Variants in ZFYVE1 observed in about 807,000 individuals in gnomAD.
ZFYVE1 encodes zinc finger FYVE domain-containing protein 1.
A neutral mutation model predicts 74.4 loss-of-function variants in ZFYVE1; 30 were observed. The observed-to-expected ratio is 0.40, with a 90% CI of 0.30 to 0.55. The LOEUF is 0.55. Ranked by LOEUF, ZFYVE1 falls within the 20% of genes least tolerant of loss-of-function variation. The pLI is 0.42. For missense variants in ZFYVE1, 703 were observed against 1,011.6 expected (o/e 0.69, Z 4.14); for synonymous variants, 335 against 385.1 (o/e 0.87, Z 1.52).
chr14:72,999,501 G>A (rs1161073985), intron 2 of ZFYVE1, among the ~76,000 whole-genome samples: 14 of 152,022 alleles, frequency 9.2e-5, no homozygotes, highest in Admixed American at 9.2e-4. Flanking sequence ...GTGGGAAGAT[G>A]GCTCAAGCCC....
At chr14:72,974,311 G>A (rs991400337) in intron 10 of ZFYVE1, 118 bp from the exon 11 acceptor site, 1 of 894,538 alleles carries the variant, frequency 1.1e-6, no homozygotes, top group Non-Finnish European at 1.8e-6. Context: ...GTGCTGTCCT[G>A]CAACTACTGC....
intron 2 of ZFYVE1, among the ~76,000 whole-genome samples, chr14:73,014,655 A>G (rs1894153961): frequency 6.6e-6 from 1 of 152,236 alleles, no homozygotes; most frequent in African/African-American, 2.4e-5. Flanking sequence ...CTTACATTAT[A>G]ATACTCTGGC....
Position 72,997,864 on chromosome 14 carries a change from C to T in ZFYVE1, c.935G>A (p.Gly312Asp). The part of the protein sequence containing the change: ...CGLDVPLSTL[G>D]PAVIIFHETV... ...CTCATGGAAGATGATAACTGCAGGG[C>T]CCAGTGTGGATAAAGGGACATCCAG... The change falls in exon 3 of 12, where the codon GGC becomes GAC. Residue 312 changes from glycine (G) to aspartate (D), a missense_variant. By Grantham distance (94) the Gly-to-Asp change is moderately conservative (BLOSUM62 -1). Coordinates refer to ENST00000556143, the MANE Select transcript of ZFYVE1 (RefSeq NM_021260.4). The T allele has an allele frequency of 6.2e-7, 1 of 1,612,598 alleles. No homozygotes were observed. The highest frequency in any genetic ancestry group is 8.5e-7 in the Non-Finnish European group (1 of 1,178,802).
chr14:72,987,661 C>G (rs1893513751), intron 4 of ZFYVE1, among the ~76,000 whole-genome samples: 1 of 152,230 alleles, frequency 6.6e-6, no homozygotes, highest in Non-Finnish European at 1.5e-5. Context: ...ATAGTTAACT[C>G]AATATTCAAT....
intron 4 of ZFYVE1, among the ~76,000 whole-genome samples, chr14:72,990,356 G>A (rs935632284): frequency 1.3e-5 from 2 of 151,266 alleles, no homozygotes; most frequent in African/African-American, 4.9e-5. Flanking sequence ...AAATTTTGAG[G>A]ATGCCAGTTA....
chr14:72,980,624 G>C (rs1191102525), intron 5 of ZFYVE1, among the ~76,000 whole-genome samples: 1 of 151,864 alleles, frequency 6.6e-6, no homozygotes, highest in East Asian at 1.9e-4. Flanking sequence ...CTGGAGTGCA[G>C]TGGCGCAATC....
chr14:73,014,596 T>C (rs932216966), intron 2 of ZFYVE1, among the ~76,000 whole-genome samples: 7 of 152,240 alleles, frequency 4.6e-5, no homozygotes, highest in Admixed American at 3.9e-4. Context: ...ATTCATATTC[T>C]GACCAGAACT....
In ZFYVE1 at chr14:72,993,221, C is replaced by T; in HGVS notation, c.1125G>A (p.Arg375=). Residue 375 remains arginine (R), a synonymous_variant, in exon 4 of 12, where the codon CGG becomes CGA. Transcript: ENST00000556143. ...TCTCTAGTAGCTGCTCCAAAGCACG[C>T]CGAAGCCCAGAAAAGTCCGTGGGAG... ...YNPPTDFSGL[R]RALEQLLENN... The T allele has an allele frequency of 6.2e-7, 1 of 1,613,784 alleles. No individual in the cohort carries two copies. The highest frequency in any genetic ancestry group is 1.1e-5 in the South Asian group (1 of 91,062).
intron 2 of ZFYVE1, among the ~76,000 whole-genome samples, chr14:73,009,496 C>A (rs565978279): frequency 7.5e-4 from 114 of 152,336 alleles, no homozygotes; most frequent in Middle Eastern, 3.4e-3. Context: ...GAGGCTCACG[C>A]CTGTAATCTC....
chr14:73,023,299 T>C (rs1230225943), intron 2 of ZFYVE1, among the ~76,000 whole-genome samples: 2 of 103,730 alleles, frequency 1.9e-5, no homozygotes. Context: ...ATATATAATA[T>C]ATATTATATA....
At chr14:72,973,262 G>A (rs1893081412) in intron 11 of ZFYVE1, among the ~76,000 whole-genome samples, 1 of 152,070 alleles carries the variant, frequency 6.6e-6, no homozygotes, top group African/African-American at 2.4e-5. Context: ...GCCAAGGCCG[G>A]TGGATCACCT....
At chr14:73,023,301 TATTA>T (rs1894371040) in intron 2 of ZFYVE1, among the ~76,000 whole-genome samples, 1 of 119,850 alleles carries the variant, frequency 8.3e-6, no homozygotes, top group South Asian at 2.3e-4. Flanking sequence ...ATATAATATA[TATTA>T]TATATGTTTT....
intron 11 of ZFYVE1, among the ~76,000 whole-genome samples, chr14:72,971,418 C>T (rs1893033139): frequency 6.6e-6 from 1 of 152,088 alleles, no homozygotes. Context: ...CTCACCACAA[C>T]CTCTGCCTCC....
At chr14:73,011,890 A>AT (rs1894099071) in intron 2 of ZFYVE1, among the ~76,000 whole-genome samples, 4 of 151,644 alleles carry the variant, frequency 2.6e-5, no homozygotes, top group Admixed American at 2.0e-4. Flanking sequence ...ATATATATAT[A>AT]AAATGCATAA....
At chr14:72,981,752 G>C (rs754865825) in intron 5 of ZFYVE1, 37 bp downstream of exon 5, 11 of 1,589,104 alleles carry the variant, frequency 6.9e-6, no homozygotes, top group African/African-American at 1.3e-5. Flanking sequence ...CTATTCTCAA[G>C]GTATGGGGTG....
At chr14:72,973,664 C>T (rs976907627) in intron 11 of ZFYVE1, among the ~76,000 whole-genome samples, 5 of 152,204 alleles carry the variant, frequency 3.3e-5, no homozygotes, top group Non-Finnish European at 5.9e-5. Flanking sequence ...AGCCTCCTAA[C>T]TGTCCCTGCC....
intron 3 of ZFYVE1, among the ~76,000 whole-genome samples, chr14:72,994,228 C>A (rs1435731658): frequency 7.2e-6 from 1 of 139,448 alleles, no homozygotes; most frequent in African/African-American, 2.7e-5. Flanking sequence ...GATGCTGAGG[C>A]AGAAGAATTG....
intron 2 of ZFYVE1, among the ~76,000 whole-genome samples, chr14:73,008,056 C>A (rs1894016247): frequency 6.6e-6 from 1 of 152,214 alleles, no homozygotes; most frequent in Non-Finnish European, 1.5e-5. Flanking sequence ...GTCAGGAATT[C>A]CTCTCCATGT....
At chr14:72,988,929 CT>C (rs34464072) in intron 4 of ZFYVE1, among the ~76,000 whole-genome samples, 19,213 of 117,800 alleles carry the variant, frequency 0.16, 813 homozygotes, top group Non-Finnish European at 0.21. Flanking sequence ...GCAATTTCTT[CT>C]TTTTTTTTTT....
Sources: allele counts gnomAD v4.1 joint callset (sites outside exome capture counted in the v4.1 genomes callset), GRCh38; gene constraint gnomAD v4.1.1; transcripts MANE v1.5; gene names NCBI Gene and HGNC (gene_info 2026-07-23, HGNC 2026-07-21).